ZNF251: variants seen among roughly 807,000 people sequenced by gnomAD.
The protein encoded by ZNF251 is zinc finger protein 251.
Under a neutral mutation model 13.5 loss-of-function variants are expected in ZNF251, and 14 were observed. The observed-to-expected ratio is 1.04, with a 90% CI of 0.69 to 1.63. ZNF251 has a LOEUF of 1.63. Among genes scored for constraint, ZNF251 ranks in the 40% most tolerant of loss-of-function variants. The probability of loss-of-function intolerance (pLI) is 0.00; values close to 1 mark genes in which losing one functional copy is unlikely to be tolerated. For missense variants in ZNF251, 764 were observed against 834.9 expected, an observed-to-expected ratio of 0.92 and a Z score of 1.05; for synonymous variants, 287 against 295.2, an observed-to-expected ratio of 0.97 and a Z score of 0.28.
At chr8:144,740,402 CGAGGTG>C (rs1824103374) in intron 4 of ZNF251, among the ~76,000 whole-genome samples, 1 of 150,174 alleles carries the variant, frequency 6.7e-6, no homozygotes, top group African/African-American at 2.5e-5. Flanking sequence ...TTTGGGAGGC[CGAGGTG>C]GGTGGATCAC....
intron 4 of ZNF251, among the ~76,000 whole-genome samples, chr8:144,724,261 CAAAAAAA>C (rs1175216003): frequency 3.8e-3 from 138 of 35,870 alleles, no homozygotes; most frequent in Non-Finnish European, 8.1e-3. Context: ...GACTCCGTCT[CAAAAAAA>C]AAAAAAAAAA....
intron 4 of ZNF251, among the ~76,000 whole-genome samples, chr8:144,732,584 G>A (rs917208854): frequency 4.7e-4 from 72 of 152,064 alleles, no homozygotes; most frequent in Non-Finnish European, 6.2e-4. Context: ...AGGCCAAGGC[G>A]GGGGAATCAC....
intron 4 of ZNF251, chr8:144,729,972 G>C (rs930254181): frequency 4.0e-5 from 35 of 871,298 alleles, no homozygotes; most frequent in Non-Finnish European, 4.7e-5. Flanking sequence ...CAACATTGCA[G>C]GCAGGGCTGA....
Position 144,723,036 on chromosome 8 carries a change from G to C in ZNF251, c.624C>G (p.Val208=), listed in dbSNP as rs371976280. 1.4e-4 allele frequency: 232 copies of C among 1,613,868 alleles called. No homozygotes were observed. The highest frequency in any genetic ancestry group is 1.9e-4 in the Non-Finnish European group (224 of 1,179,886). The change falls in exon 5 of 5, where the codon GTC becomes GTG. Residue 208 remains valine (V), a synonymous_variant. Transcript: ENST00000292562. The part of the protein sequence containing the change: ...RLQRNKTGER[V]FKCDICSKTF... ...TTTTGCTGCATATATCACATTTAAA[G>C]ACCCTCTCTCCTGTTTTATTTCTTT...
chr8:144,747,682 G>A lies in ZNF251; in HGVS notation c.277+6001C>T, dbSNP rs574348683. Among the ~76,000 whole-genome samples, 85 of 152,258 alleles carry A rather than the reference G, an allele frequency of 5.6e-4. 1 individual carries two copies. The East Asian group carries it at 0.011, about 20-fold the overall frequency. On this transcript the variant is annotated intron_variant, in intron 4 of 4. Coordinates refer to ENST00000292562, the MANE Select transcript of ZNF251 (RefSeq NM_138367.2). ...GCTGGAGTGCGATGGCGCGAATCTC[G>A]GCTGACTGCAACCTCTGCCTCCTGG...
chr8:144,749,882 TTC>T lies in ZNF251; in HGVS notation c.277+3799_277+3800del, dbSNP rs1223773712. ...AAAATTTCTTTTTCTTTTCTTTTTT[TTC>T]TTTTTTTTTTTTTTTTAAGAAAGAT... On this transcript the variant is annotated intron_variant, in intron 4 of 4. Coordinates refer to ENST00000292562, the MANE Select transcript of ZNF251 (RefSeq NM_138367.2). Among the ~76,000 whole-genome samples the T allele has an allele frequency of 6.2e-3, 801 of 128,480 alleles. 8 individuals carry two copies. The highest frequency in any genetic ancestry group is 0.026 in the African/African-American group (741 of 28,794). The allele number at this position is 128,480 out of a possible 152,430, so 84.3% of individuals were successfully genotyped here. A position where few individuals can be genotyped will look rare whatever the true frequency, so the allele number is the denominator to read the frequency against.
chr8:144,723,114 C>T lies in ZNF251; in HGVS notation c.546G>A (p.Glu182=), dbSNP rs749034409. The T allele has an allele frequency of 1.9e-6, 3 of 1,613,900 alleles. No individual in the cohort carries two copies. The highest frequency in any genetic ancestry group is 1.7e-5 in the Admixed American group (1 of 59,964). Residue 182 remains glutamate, a synonymous_variant, in exon 5 of 5, where the codon GAG becomes GAA. Coordinates refer to ENST00000292562, the MANE Select transcript of ZNF251 (RefSeq NM_138367.2). The part of the protein sequence containing the change: ...RERSLGERTQ[E]CSAFDRNLNL... ...TCAAGTTTCTATCAAATGCACTACA[C>T]TCTTGGGTTCTTTCTCCCAAAGATC...
rs1823404443 is a variant in ZNF251, at chr8:144,722,613, A to G, written c.1047T>C (p.His349=). The change falls in exon 5 of 5, where the codon CAT becomes CAC. Residue 349 remains histidine, a synonymous_variant. Transcript: ENST00000292562. This position sits in a 1 kb window ranked among gnomAD's most constrained non-coding sequence, Gnocchi z 4.8. ...AGGCCTTCCCACAGTGACTGCATTC[A>G]TGCGGCTTCTCTCCAGTGTGAATTC... ...HQRIHTGEKP[H]ECSHCGKAFS... 1.2e-6 allele frequency: 2 copies of G among 1,613,990 alleles called. No individual in the cohort carries two copies. The highest frequency in any genetic ancestry group is 2.2e-5 in the East Asian group (1 of 44,880).
At position 144,737,465 on chromosome 8, in the gene ZNF251, C is replaced by T. The variant is rs182273337; in HGVS notation, c.278-14083G>A. Among the ~76,000 whole-genome samples, 457 of 150,112 alleles carry T rather than the reference C, an allele frequency of 3.0e-3. 1 individual carries two copies. The highest frequency in any genetic ancestry group is 0.011 in the African/African-American group (429 of 40,704). On this transcript the variant is annotated intron_variant, in intron 4 of 4. Transcript: ENST00000292562. ...GAGCTTGCAGTCAGAGTGCAGATCT[C>T]GCCACTGCACTCCAGCCTGGGTGAC...
At position 144,737,689 on chromosome 8, in the gene ZNF251, A is replaced by G. The variant is rs191674233; in HGVS notation, c.278-14307T>C. Reference sequence around the variant, plus strand: ...CTACTAAAAATAGAAGAAATTAGCCAGGCGTGGTGGCAGGCGCCTGTAGTC... The same window carrying G: ...CTACTAAAAATAGAAGAAATTAGCCGGGCGTGGTGGCAGGCGCCTGTAGTC... On this transcript the variant is annotated intron_variant, in intron 4 of 4. Coordinates refer to ENST00000292562, the MANE Select transcript of ZNF251 (RefSeq NM_138367.2). Among the ~76,000 whole-genome samples the G allele has an allele frequency of 1.0e-3, 156 of 150,448 alleles. 1 individual carries two copies. Among genetic ancestry groups the G allele is most frequent in the Admixed American group, 2.8e-3 (42 of 15,090 alleles).
At chr8:144,736,823 GT>G (rs994915386) in intron 4 of ZNF251, among the ~76,000 whole-genome samples, 9 of 150,218 alleles carry the variant, frequency 6.0e-5, no homozygotes, top group Admixed American at 1.3e-4. Flanking sequence ...TGAGATGGAG[GT>G]TTTTTTTGGT....
intron 4 of ZNF251, among the ~76,000 whole-genome samples, chr8:144,745,072 C>T (rs1052154770): frequency 5.3e-5 from 8 of 149,878 alleles, no homozygotes; most frequent in South Asian, 2.2e-4. Context: ...GGACGGGGAG[C>T]GGGAGGGGAA....
At chr8:144,731,839 C>T (rs764801814) in intron 4 of ZNF251, among the ~76,000 whole-genome samples, 58 of 152,296 alleles carry the variant, frequency 3.8e-4, no homozygotes, top group African/African-American at 5.5e-4. Context: ...CCGCCCACCT[C>T]GGCCTCCCAA....
rs774009834 is a variant in ZNF251 at position 144,722,996 on chromosome 8, A to G, written c.664T>C (p.Ser222Pro). The change falls in exon 5 of 5, where the codon TCA becomes CCA. Residue 222 changes from serine to proline, a missense_variant. Ser to Pro is a moderately conservative substitution (Grantham distance 74, BLOSUM62 -1). Transcript: ENST00000292562. This position sits in a 1 kb window ranked among gnomAD's most constrained non-coding sequence, Gnocchi z 4.8. ...DICSKTFKYN[S>P]DLSRHQRSHT... Reference sequence around the variant, plus strand: ...CTTCTCTGGTGTCTACTTAGGTCTGAATTATATTTGAAGGTTTTGCTGCAT... The same window carrying G: ...CTTCTCTGGTGTCTACTTAGGTCTGGATTATATTTGAAGGTTTTGCTGCAT... 6.2e-7 allele frequency: 1 copy of G among 1,613,968 alleles called. No individual in the cohort carries two copies. The highest frequency in any genetic ancestry group is 2.2e-5 in the East Asian group (1 of 44,892).
chr8:144,723,026 C>G lies in ZNF251; in HGVS notation c.634G>C (p.Asp212His), dbSNP rs1823415937. The G allele has an allele frequency of 1.9e-6, 3 of 1,614,006 alleles. No homozygotes were observed. Among genetic ancestry groups the G allele is most frequent in the East Asian group, 2.2e-5 (1 of 44,892 alleles). The change falls in exon 5 of 5, where the codon GAT becomes CAT. Residue 212 changes from aspartate (D) to histidine (H), a missense_variant. By Grantham distance (81) the Asp-to-His change is moderately conservative. Transcript: ENST00000292562. ...TATTTGAAGGTTTTGCTGCATATAT[C>G]ACATTTAAAGACCCTCTCTCCTGTT... ...NKTGERVFKC[D>H]ICSKTFKYNS... is the part of the protein sequence containing the mutation.
intron 4 of ZNF251, among the ~76,000 whole-genome samples, chr8:144,744,590 G>A (rs1431938212): frequency 2.6e-5 from 4 of 152,152 alleles, no homozygotes; most frequent in South Asian, 2.1e-4. Flanking sequence ...CATGAGGGTC[G>A]TCATGGCAGA....
chr8:144,722,702 G>C lies in ZNF251; in HGVS notation c.958C>G (p.Pro320Ala). 1.2e-5 allele frequency: 19 copies of C among 1,614,100 alleles called. No individual in the cohort carries two copies. Among genetic ancestry groups the C allele is most frequent in the Non-Finnish European group, 1.5e-5 (18 of 1,179,986 alleles). The change falls in exon 5 of 5, where the codon CCC becomes GCC. Residue 320 changes from proline (P) to alanine (A), a missense_variant. Physicochemically the swap from Pro to Ala is conservative, Grantham distance 27. Coordinates refer to ENST00000292562, the MANE Select transcript of ZNF251 (RefSeq NM_138367.2). The surrounding 1 kb of genome is among the most constrained non-coding windows in gnomAD (Gnocchi z 4.8). The part of the protein sequence containing the change: ...QHRIIHTGEK[P>A]YKCNECGRGF... ...CTTCCACATTCATTACACTTGTAGG[G>C]TTTCTCTCCTGTGTGAATGATCCGA...
At chr8:144,731,543 T>C (rs1208668662) in intron 4 of ZNF251, among the ~76,000 whole-genome samples, 1 of 151,990 alleles carries the variant, frequency 6.6e-6, no homozygotes, top group African/African-American at 2.4e-5. Context: ...CATATGTATT[T>C]AAAGGAAGCG....
At chr8:144,726,591 T>C (rs182280044) in intron 4 of ZNF251, among the ~76,000 whole-genome samples, 3 of 149,880 alleles carry the variant, frequency 2.0e-5, no homozygotes, top group Admixed American at 2.0e-4. Flanking sequence ...CAGGCATAGG[T>C]TGGGCGCGGT....
Sources: gnomAD v4.1 joint callset for allele counts (sites outside exome capture counted in the v4.1 genomes callset) on GRCh38, gnomAD v4.1.1 for gene constraint, Gnocchi (gnomAD v3.1) non-coding constraint, MANE v1.5 for transcripts, NCBI Gene and HGNC (gene_info 2026-07-23, HGNC 2026-07-21) for gene names.